The following TMEM132D variants were observed in gnomAD, a reference collection of about 807,000 sequenced individuals.
TMEM132D encodes transmembrane protein 132D, also known as mature OL transmembrane protein.
Under a neutral mutation model 62.3 loss-of-function variants are expected in TMEM132D, and 21 were observed. The ratio of observed to expected loss-of-function variants is 0.34; its 90% CI spans 0.24 to 0.49. The LOEUF (loss-of-function observed/expected upper bound fraction) is 0.49. Among genes scored for constraint, TMEM132D ranks in the 20% least tolerant of loss-of-function variants. TMEM132D has a pLI of 0.99. For synonymous variants in TMEM132D, 621 were observed against 575.6 expected (o/e 1.08, Z -1.13); for missense variants, 1,346 against 1,402.8 (o/e 0.96, Z 0.65).
chr12:129,258,492 C>T (rs1293255158), intron 4 of TMEM132D, among the ~76,000 whole-genome samples: 1 of 152,134 alleles, frequency 6.6e-6, no homozygotes, highest in Non-Finnish European at 1.5e-5. Flanking sequence ...TGTGAACACC[C>T]ATTGGGAGAA....
chr12:129,632,215 G>T (rs1879367418), intron 2 of TMEM132D, among the ~76,000 whole-genome samples: 1 of 152,172 alleles, frequency 6.6e-6, no homozygotes, highest in Admixed American at 6.5e-5. Context: ...CTGAGCCTGA[G>T]CCGTGTGTAT....
chr12:129,656,931 A>G (rs1035906038), intron 2 of TMEM132D, among the ~76,000 whole-genome samples: 4 of 152,154 alleles, frequency 2.6e-5, no homozygotes, highest in Admixed American at 6.6e-5. Context: ...ACCACAATAC[A>G]CTATTTCTTT....
chr12:129,621,906 T>A (rs1879081343), intron 2 of TMEM132D, among the ~76,000 whole-genome samples: 1 of 152,228 alleles, frequency 6.6e-6, no homozygotes, highest in Admixed American at 6.5e-5. Flanking sequence ...TTTTTCTTCC[T>A]TCTTTTCTCC....
At chr12:129,284,244 T>C (rs1196462430) in intron 4 of TMEM132D, among the ~76,000 whole-genome samples, 2 of 152,234 alleles carry the variant, frequency 1.3e-5, no homozygotes, top group African/African-American at 2.4e-5. Context: ...GACATCCACA[T>C]CAGGCCTTTA....
intron 6 of TMEM132D, 69 bp from the exon 7 acceptor site, chr12:129,082,101 C>T (rs1312865179): frequency 2.6e-6 from 4 of 1,526,416 alleles, no homozygotes; most frequent in Non-Finnish European, 3.5e-6. Flanking sequence ...GTGTGTGGAG[C>T]CTGGTGGGGG....
At chr12:129,615,721 G>A (rs1038875593) in intron 2 of TMEM132D, among the ~76,000 whole-genome samples, 1 of 151,182 alleles carries the variant, frequency 6.6e-6, no homozygotes, top group Admixed American at 6.6e-5. Context: ...GCCGTGGGTT[G>A]TGATCATGCC....
At chr12:129,686,844 T>C (rs575630152) in intron 2 of TMEM132D, among the ~76,000 whole-genome samples, 1 of 152,314 alleles carries the variant, frequency 6.6e-6, no homozygotes, top group Non-Finnish European at 1.5e-5. Flanking sequence ...GTTGAGACCC[T>C]GCTTCCCACA....
At chr12:129,313,817 A>T (rs534426866) in intron 4 of TMEM132D, among the ~76,000 whole-genome samples, 1 of 152,280 alleles carries the variant, frequency 6.6e-6, no homozygotes, top group African/African-American at 2.4e-5. Context: ...ACTAGTTTAC[A>T]TTCCCATTAG....
chr12:129,646,890 C>T (rs1353292689), intron 2 of TMEM132D, among the ~76,000 whole-genome samples: 1 of 150,644 alleles, frequency 6.6e-6, no homozygotes, highest in Admixed American at 6.6e-5. Flanking sequence ...ACCTCCGCTT[C>T]TCAGGTTCAA....
chr12:129,186,594 C>T (rs1878228919), intron 5 of TMEM132D, among the ~76,000 whole-genome samples: 1 of 152,164 alleles, frequency 6.6e-6, no homozygotes, highest in Admixed American at 6.5e-5. Context: ...ATCCTGGAGC[C>T]AGACTGCCTG....
chr12:129,369,731 T>C (rs1870536889), intron 3 of TMEM132D, among the ~76,000 whole-genome samples: 1 of 152,246 alleles, frequency 6.6e-6, no homozygotes, highest in African/African-American at 2.4e-5. Flanking sequence ...AATTGGATCT[T>C]TCAGCAGCAA....
At position 129,546,828 on chromosome 12, in the gene TMEM132D, G is replaced by A. The variant is rs533861624; in HGVS notation, c.969-15623C>T. ...AAAAAAAAAAGAAAAGAAAAAAGCTGTAGACAAGGGTAGCTACCATTGTAA... is the reference window on the plus strand; with the variant it reads ...AAAAAAAAAAGAAAAGAAAAAAGCTATAGACAAGGGTAGCTACCATTGTAA... On this transcript the variant is annotated intron_variant, in intron 2 of 8. Coordinates refer to ENST00000422113, the MANE Select transcript of TMEM132D (RefSeq NM_133448.3). Among the ~76,000 whole-genome samples the A allele has an allele frequency of 4.0e-4, 60 of 151,868 alleles. 2 individuals are homozygous for A. The highest frequency in any genetic ancestry group is 8.8e-5 in the Non-Finnish European group (6 of 67,966).
intron 3 of TMEM132D, among the ~76,000 whole-genome samples, chr12:129,374,689 G>A (rs1870731836): frequency 6.6e-6 from 1 of 152,192 alleles, no homozygotes; most frequent in Non-Finnish European, 1.5e-5. Context: ...GCCACAGCAT[G>A]AGGCCTTCCA....
chr12:129,224,441 ATTCTTGATT>A (rs894475910), intron 4 of TMEM132D, among the ~76,000 whole-genome samples: 4 of 152,224 alleles, frequency 2.6e-5, no homozygotes, highest in African/African-American at 7.2e-5. Context: ...GAATGCAAAA[ATTCTTGATT>A]TTCTTGATTT....
At chr12:129,275,381 C>T (rs1880976241) in intron 4 of TMEM132D, among the ~76,000 whole-genome samples, 1 of 152,162 alleles carries the variant, frequency 6.6e-6, no homozygotes, top group Admixed American at 6.5e-5. Flanking sequence ...AGAACTACCC[C>T]AAATCATGAG....
chr12:129,266,850 A>C (rs923227308), intron 4 of TMEM132D, among the ~76,000 whole-genome samples: 7 of 152,096 alleles, frequency 4.6e-5, no homozygotes, highest in African/African-American at 1.7e-4. Context: ...AAATTAAAAG[A>C]ATCATCACAT....
intron 1 of TMEM132D, among the ~76,000 whole-genome samples, chr12:129,870,302 G>A (rs1874199455): frequency 6.6e-6 from 1 of 152,158 alleles, no homozygotes; most frequent in African/African-American, 2.4e-5. Context: ...TTATGCTAAG[G>A]AGGTGACTCA....
At position 129,649,682 on chromosome 12, in the gene TMEM132D, C is replaced by G. The variant is rs182213054; in HGVS notation, c.968+50128G>C. ...AAAACAACCTATAGAATATACTGTTCTATATAATAGAATAAAAAGGTATAT... is the reference window on the plus strand; with the variant it reads ...AAAACAACCTATAGAATATACTGTTGTATATAATAGAATAAAAAGGTATAT... On this transcript the variant is annotated intron_variant, in intron 2 of 8. Transcript: ENST00000422113. Among the ~76,000 whole-genome samples, 289 of 151,760 alleles carry G rather than the reference C, an allele frequency of 1.9e-3. 2 individuals are homozygous for G. The highest frequency in any genetic ancestry group is 6.5e-3 in the African/African-American group (267 of 41,346).
intron 3 of TMEM132D, among the ~76,000 whole-genome samples, chr12:129,507,086 G>A (rs1373470854): frequency 6.6e-6 from 1 of 152,026 alleles, no homozygotes; most frequent in Non-Finnish European, 1.5e-5. Flanking sequence ...TATATAGATG[G>A]CCAACAAACA....
Sources: allele counts gnomAD v4.1 joint callset (sites outside exome capture counted in the v4.1 genomes callset), GRCh38; gene constraint gnomAD v4.1.1; transcripts MANE v1.5; gene names NCBI Gene and HGNC (gene_info 2026-07-23, HGNC 2026-07-21).